The following MPP7 variants were observed in gnomAD, a reference collection of about 807,000 sequenced individuals.
The protein encoded by MPP7 is MAGUK p55 scaffold protein 7.
A neutral mutation model predicts 76.5 loss-of-function variants in MPP7; 60 were observed. The ratio of observed to expected loss-of-function variants is 0.78; its 90% CI spans 0.64 to 0.97. The LOEUF is 0.97. Ranked by LOEUF, MPP7 falls within the 50% of genes least tolerant of loss-of-function variation. MPP7 has a pLI of 0.00. For synonymous variants in MPP7, 237 were observed against 244.5 expected, an observed-to-expected ratio of 0.97 and a Z score of 0.29; for missense variants, 641 against 694.0, an observed-to-expected ratio of 0.92 and a Z score of 0.86.
intron 1 of MPP7, among the ~76,000 whole-genome samples, chr10:28,273,185 TGGGATTACA>T (rs1340756903): frequency 6.6e-6 from 1 of 152,214 alleles, no homozygotes; most frequent in Non-Finnish European, 1.5e-5. Context: ...CCCAAAGTTC[TGGGATTACA>T]GGCGTGAGCC....
intron 1 of MPP7, among the ~76,000 whole-genome samples, chr10:28,276,870 A>G (rs967578889): frequency 6.6e-6 from 1 of 152,078 alleles, no homozygotes; most frequent in Non-Finnish European, 1.5e-5. Flanking sequence ...TGTGCCAGCT[A>G]TAGGACTTGA....
chr10:28,139,693 G>C (rs1379812708), intron 5 of MPP7, among the ~76,000 whole-genome samples: 3 of 152,122 alleles, frequency 2.0e-5, no homozygotes, highest in South Asian at 4.1e-4. Flanking sequence ...CGGCAAAAAG[G>C]CTGCTCCATA....
At chr10:28,230,795 G>A (rs1357072620) in intron 2 of MPP7, among the ~76,000 whole-genome samples, 1 of 152,154 alleles carries the variant, frequency 6.6e-6, no homozygotes, top group Non-Finnish European at 1.5e-5. Flanking sequence ...CAGCCTGGGA[G>A]ACAGAGCGAG....
At position 28,262,194 on chromosome 10, in the gene MPP7, T is replaced by TATATATATACATATATATATATATATAC. The variant is rs1554860385; in HGVS notation, c.-131-23460_-131-23459insGTATATATATATATATATGTATATATAT. Among the ~76,000 whole-genome samples, 3 of 19,518 alleles carry TATATATATACATATATATATATATATAC rather than the reference T, an allele frequency of 1.5e-4. 1 individual carries two copies. Among genetic ancestry groups the TATATATATACATATATATATATATATAC allele is most frequent in the African/African-American group, 4.1e-4 (3 of 7,346 alleles). The allele number at this position is 19,518 out of a possible 152,430, so 12.8% of individuals were successfully genotyped here. ...TAAATAAATAAATAAATTATATATA[T>TATATATATACATATATATATATATATAC]ATATATATATATACATATATATATA... On this transcript the variant is annotated intron_variant, in intron 1 of 16. Coordinates refer to ENST00000683449, the MANE Select transcript of MPP7 (RefSeq NM_001318170.2).
At chr10:28,102,270 G>A (rs1428755886) in intron 11 of MPP7, among the ~76,000 whole-genome samples, 3 of 152,146 alleles carry the variant, frequency 2.0e-5, no homozygotes, top group Non-Finnish European at 4.4e-5. Flanking sequence ...AGCCTCCGGA[G>A]TAGTTGGGAT....
intron 12 of MPP7, among the ~76,000 whole-genome samples, chr10:28,082,638 G>T (rs935144727): frequency 6.6e-6 from 1 of 152,002 alleles, no homozygotes; most frequent in African/African-American, 2.4e-5. Context: ...ATTTTATTTT[G>T]TTTTGTTTTT....
At chr10:28,219,444 C>T (rs1221116859) in intron 2 of MPP7, among the ~76,000 whole-genome samples, 8 of 152,016 alleles carry the variant, frequency 5.3e-5, no homozygotes, top group South Asian at 2.1e-4. Flanking sequence ...GACATCAGAA[C>T]GGAAAAATTT....
At chr10:28,210,182 T>C (rs1269039012) in intron 2 of MPP7, among the ~76,000 whole-genome samples, 1 of 152,196 alleles carries the variant, frequency 6.6e-6, no homozygotes, top group African/African-American at 2.4e-5. Context: ...ACGTTGCAGA[T>C]GGCAGATCAC....
At chr10:28,101,762 T>C (rs1853834529) in intron 11 of MPP7, among the ~76,000 whole-genome samples, 1 of 152,152 alleles carries the variant, frequency 6.6e-6, no homozygotes, top group Non-Finnish European at 1.5e-5. Context: ...ATCTGACCAA[T>C]GTTACAAAAG....
intron 3 of MPP7, among the ~76,000 whole-genome samples, chr10:28,168,308 T>C (rs993404182): frequency 6.6e-6 from 1 of 152,178 alleles, no homozygotes; most frequent in African/African-American, 2.4e-5. Flanking sequence ...TCTCTTAAAT[T>C]GTTTTTTTCA....
intron 1 of MPP7, among the ~76,000 whole-genome samples, chr10:28,290,147 T>C (rs1022142724): frequency 1.3e-5 from 2 of 152,288 alleles, no homozygotes; most frequent in South Asian, 4.1e-4. Flanking sequence ...GCTATTACGC[T>C]ACTATTGATA....
At chr10:28,186,366 GAA>G (rs1837237853) in intron 3 of MPP7, among the ~76,000 whole-genome samples, 3 of 149,388 alleles carry the variant, frequency 2.0e-5, no homozygotes, top group Admixed American at 6.6e-5. Context: ...AAAAGAGAAA[GAA>G]AGAGAGAGAG....
intron 6 of MPP7, among the ~76,000 whole-genome samples, chr10:28,126,565 T>A (rs895521173): frequency 1.2e-4 from 19 of 152,166 alleles, no homozygotes; most frequent in African/African-American, 4.6e-4. Flanking sequence ...AGAGACACAA[T>A]CATTCATCTC....
At chr10:28,233,884 G>T (rs543199202) in intron 2 of MPP7, among the ~76,000 whole-genome samples, 8 of 149,308 alleles carry the variant, frequency 5.4e-5, no homozygotes, top group South Asian at 2.1e-4. Context: ...AAGAAGAAAA[G>T]AATTGAAAAG....
upstream of MPP7, among the ~76,000 whole-genome samples, chr10:28,308,019 G>C (rs1184509494): frequency 6.6e-6 from 1 of 152,146 alleles, no homozygotes; most frequent in Non-Finnish European, 1.5e-5. Context: ...CTTGACCTGA[G>C]CAATGCAATT....
At position 28,057,602 on chromosome 10, in the gene MPP7, C is replaced by CTTT. The variant is rs1564608908; in HGVS notation, c.1407+892_1407+893insAAA. 8 of 311,530 alleles carry CTTT rather than the reference C, an allele frequency of 2.6e-5. No individual in the cohort carries two copies. In the African/African-American group the frequency reaches 2.9e-4, roughly 11 times the overall value. The allele number at this position is 311,530 out of a possible 1,614,324, so 19.3% of individuals were successfully genotyped here. On this transcript the variant is annotated intron_variant, in intron 15 of 16. Coordinates refer to ENST00000683449, the MANE Select transcript of MPP7 (RefSeq NM_001318170.2). ...TCTGCAGAGCAGTGAGCCAATTAAA[C>CTTT]CTCTTTTTTTTTTTTTTTTTTTTTT... is the stretch of plus-strand genomic sequence containing the variant.
intron 3 of MPP7, among the ~76,000 whole-genome samples, chr10:28,156,451 A>C (rs1836065416): frequency 6.6e-6 from 1 of 152,222 alleles, no homozygotes; most frequent in South Asian, 2.1e-4. Context: ...ATCAAAGATT[A>C]ATCGGTATCA....
chr10:28,094,216 T>A (rs1853455487), intron 11 of MPP7, among the ~76,000 whole-genome samples: 3 of 152,132 alleles, frequency 2.0e-5, no homozygotes. Flanking sequence ...CTTCAGTGCC[T>A]TAATGCACAG....
chr10:28,086,650 T>C (rs1189646751), intron 12 of MPP7, among the ~76,000 whole-genome samples: 1 of 152,228 alleles, frequency 6.6e-6, no homozygotes, highest in Non-Finnish European at 1.5e-5. Flanking sequence ...GATATTCTTT[T>C]GTCCTGACGA....
Sources: gnomAD v4.1 joint callset for allele counts (sites outside exome capture counted in the v4.1 genomes callset) on GRCh38, gnomAD v4.1.1 for gene constraint, MANE v1.5 for transcripts, NCBI Gene and HGNC (gene_info 2026-07-23, HGNC 2026-07-21) for gene names.